Variants in FANCM observed in about 807,000 individuals in gnomAD.
FANCM encodes Fanconi anemia group M protein.
In FANCM, 140 loss-of-function variants were observed where a neutral mutation model predicts 199.5. That is an observed-to-expected ratio of 0.70 (90% confidence interval 0.61 to 0.81). FANCM has a LOEUF of 0.81. Ranked by LOEUF, FANCM falls within the 30% of genes least tolerant of loss-of-function variation. The probability of loss-of-function intolerance (pLI) is 0.00; values close to 1 mark genes in which losing one functional copy is unlikely to be tolerated. For synonymous variants in FANCM, 840 were observed against 836.8 expected (o/e 1.00, Z -0.07); for missense variants, 2,410 against 2,421.4 (o/e 1.00, Z 0.10).
At chr14:45,193,426 A>T (rs911311062) in intron 20 of FANCM, among the ~76,000 whole-genome samples, 1 of 152,226 alleles carries the variant, frequency 6.6e-6, no homozygotes. Flanking sequence ...AACTAGAGCA[A>T]TCTGCTGACA....
At chr14:45,155,231 A>T (rs944841288) in intron 7 of FANCM, 142 bp from the exon 8 acceptor site, 8 of 533,592 alleles carry the variant, frequency 1.5e-5, no homozygotes, top group Non-Finnish European at 2.7e-5. Flanking sequence ...CGTGCTACCT[A>T]GATGTTACCT....
chr14:45,141,139 T>G (rs1375320804), intron 3 of FANCM, among the ~76,000 whole-genome samples: 1 of 150,868 alleles, frequency 6.6e-6, no homozygotes, highest in Admixed American at 6.6e-5. Context: ...ATACAAAAAA[T>G]TAACCGGGCG....
intron 16 of FANCM, among the ~76,000 whole-genome samples, chr14:45,182,477 C>T (rs1462833251): frequency 2.0e-5 from 3 of 152,134 alleles, no homozygotes; most frequent in Non-Finnish European, 2.9e-5. Flanking sequence ...AAGTGTGTCA[C>T]GGATTTAGGC....
intron 12 of FANCM, among the ~76,000 whole-genome samples, chr14:45,171,603 C>A (rs1888343883): frequency 6.6e-6 from 1 of 152,002 alleles, no homozygotes. Flanking sequence ...TAAGTTACTT[C>A]ACTTAGAATA....
intron 3 of FANCM, among the ~76,000 whole-genome samples, chr14:45,141,559 C>T (rs1443318075): frequency 7.6e-6 from 1 of 132,386 alleles, no homozygotes; most frequent in African/African-American, 2.8e-5. Context: ...ACCTTACGTT[C>T]CCCTCCTTTC....
intron 9 of FANCM, among the ~76,000 whole-genome samples, chr14:45,163,271 T>C (rs1887732987): frequency 6.6e-6 from 1 of 152,232 alleles, no homozygotes; most frequent in Non-Finnish European, 1.5e-5. Context: ...ATCTACCTCA[T>C]AGGGTCGTTG....
chr14:45,184,123 A>C (rs979449279), intron 17 of FANCM, among the ~76,000 whole-genome samples: 3 of 152,100 alleles, frequency 2.0e-5, no homozygotes, highest in Admixed American at 1.3e-4. Flanking sequence ...GTTACTTTGA[A>C]TGAATACCAA....
chr14:45,180,803 T>A (rs1246995066), intron 14 of FANCM: 1 of 152,702 alleles, frequency 6.5e-6, no homozygotes, highest in Non-Finnish European at 1.5e-5. Context: ...AAAGCAAAAA[T>A]GAGGCCACAA....
At chr14:45,164,134 C>T (rs1022883549) in intron 9 of FANCM, among the ~76,000 whole-genome samples, 3 of 152,056 alleles carry the variant, frequency 2.0e-5, no homozygotes, top group Admixed American at 6.6e-5. Context: ...TTCGTAGAGA[C>T]AGGGTTTTTC....
intron 7 of FANCM, among the ~76,000 whole-genome samples, 165 bp downstream of exon 7, chr14:45,154,987 A>G (rs1052996972): frequency 2.0e-5 from 3 of 152,206 alleles, no homozygotes; most frequent in Admixed American, 1.3e-4. Context: ...TATATATTCA[A>G]ATTTAAAGTT....
At chr14:45,153,647 T>C (rs1311437217) in intron 5 of FANCM, among the ~76,000 whole-genome samples, 2 of 152,222 alleles carry the variant, frequency 1.3e-5, no homozygotes, top group Non-Finnish European at 2.9e-5. Flanking sequence ...CCTTTACTTA[T>C]TATTTTTAAA....
chr14:45,186,726 A>T (rs548940486), intron 18 of FANCM, among the ~76,000 whole-genome samples: 1 of 152,348 alleles, frequency 6.6e-6, no homozygotes, highest in African/African-American at 2.4e-5. Flanking sequence ...CAAAGACAAC[A>T]GCCAGTGCAA....
chr14:45,199,831 A>G (rs748201231), intron 22 of FANCM, 39 bp from the exon 23 acceptor site: 2 of 1,601,052 alleles, frequency 1.2e-6, no homozygotes, highest in Non-Finnish European at 1.7e-6. Flanking sequence ...TAAAAGCCAA[A>G]AGTCCTAGTG....
At chr14:45,163,454 T>A (rs1451516627) in intron 9 of FANCM, among the ~76,000 whole-genome samples, 4 of 152,194 alleles carry the variant, frequency 2.6e-5, no homozygotes, top group African/African-American at 9.7e-5. Context: ...TTGGTATTGG[T>A]CTGTATGGAG....
intron 10 of FANCM, among the ~76,000 whole-genome samples, chr14:45,166,717 A>C (rs1888001384): frequency 6.6e-6 from 1 of 151,242 alleles, no homozygotes; most frequent in African/African-American, 2.4e-5. Context: ...TTGAGGCTGC[A>C]GTGAGCCCTG....
chr14:45,141,930 C>T (rs555728310), intron 3 of FANCM, among the ~76,000 whole-genome samples: 1 of 151,704 alleles, frequency 6.6e-6, no homozygotes, highest in African/African-American at 2.4e-5. Context: ...CTGCAGTGTG[C>T]ATAAGAATCC....
chr14:45,180,816 C>G (rs1174593803), intron 14 of FANCM: 1 of 152,818 alleles, frequency 6.5e-6, no homozygotes, highest in African/African-American at 2.4e-5. Flanking sequence ...GGCCACAATA[C>G]CTTTTATGAC....
At chr14:45,196,843 G>A (rs1890087520) in intron 21 of FANCM, among the ~76,000 whole-genome samples, 1 of 152,214 alleles carries the variant, frequency 6.6e-6, no homozygotes, top group Non-Finnish European at 1.5e-5. Context: ...AGGAGAAGTA[G>A]TATTCGGGAG....
Position 45,175,948 on chromosome 14 carries a change from G to A in FANCM, c.3194G>A (p.Cys1065Tyr), listed in dbSNP as rs1888658435. ...ATAAATTATCCATCTGAAAAAAGTTGCCTTTATGATATACCTAATGATAAT... is the reference window on the plus strand; with the variant it reads ...ATAAATTATCCATCTGAAAAAAGTTACCTTTATGATATACCTAATGATAAT... ...KCINYPSEKS[C>Y]LYDIPNDNIS... is the part of the protein sequence containing the mutation. The change falls in exon 14 of 23, where the codon TGC (cysteine) becomes TAC (tyrosine). Residue 1065 changes from cysteine (C) to tyrosine (Y), a missense_variant. Coordinates refer to ENST00000267430, the MANE Select transcript of FANCM (RefSeq NM_020937.4). The A allele has an allele frequency of 6.2e-7, 1 of 1,613,194 alleles. No homozygotes were observed. Among genetic ancestry groups the A allele is most frequent in the South Asian group, 1.1e-5 (1 of 91,042 alleles).
Sources: allele counts gnomAD v4.1 joint callset (sites outside exome capture counted in the v4.1 genomes callset), GRCh38; gene constraint gnomAD v4.1.1; transcripts MANE v1.5; gene names NCBI Gene and HGNC (gene_info 2026-07-23, HGNC 2026-07-21).